The following NDFIP2 variants were observed in gnomAD, a reference collection of about 807,000 sequenced individuals.
NDFIP2 encodes the protein Nedd4 family interacting protein 2, also known as NEDD4 family-interacting protein 2.
In NDFIP2, 19 loss-of-function variants were observed where a neutral mutation model predicts 36.0. The observed-to-expected ratio is 0.53, with a 90% CI of 0.37 to 0.77. NDFIP2 has a LOEUF of 0.77. Ranked by LOEUF, NDFIP2 falls within the 30% of genes least tolerant of loss-of-function variation. The pLI is 0.00. For missense variants in NDFIP2, 446 were observed against 435.8 expected, an observed-to-expected ratio of 1.02 and a Z score of -0.21; for synonymous variants, 181 against 167.7, an observed-to-expected ratio of 1.08 and a Z score of -0.61.
At chr13:79,512,205 A>T (rs1473753504) in intron 1 of NDFIP2, among the ~76,000 whole-genome samples, 1 of 152,190 alleles carries the variant, frequency 6.6e-6, no homozygotes, top group Admixed American at 6.5e-5. Flanking sequence ...ACCAGTTACC[A>T]TTATCATTAT....
rs1277222366 is a variant in NDFIP2, at chr13:79,481,305, G to T, written c.102G>T (p.Ala34=). The change falls in exon 1 of 8, where the codon GCG becomes GCT. Residue 34 remains alanine (A), a synonymous_variant. Coordinates refer to ENST00000218652, the MANE Select transcript of NDFIP2 (RefSeq NM_019080.3). ...TTCTCCGCGGAACCGCGACCAACGC[G>T]GAGGTCTCGGCGGCCGCTGCGGGAG... ...PELLRGTATN[A]EVSAAAAGAT... 10 of 1,541,704 alleles carry T rather than the reference G, an allele frequency of 6.5e-6. No individual in the cohort carries two copies. The highest frequency in any genetic ancestry group is 8.7e-6 in the Non-Finnish European group (10 of 1,146,596).
At chr13:79,532,507 A>T (rs1875055742) in intron 2 of NDFIP2, among the ~76,000 whole-genome samples, 1 of 152,140 alleles carries the variant, frequency 6.6e-6, no homozygotes, top group African/African-American at 2.4e-5. Flanking sequence ...GTAATAAGTG[A>T]TGGGTTTTAT....
chr13:79,520,988 T>C lies in NDFIP2; in HGVS notation c.487+13T>C. On this transcript the variant is annotated intron_variant, in intron 2 of 7. Transcript: ENST00000218652. ...CCTACAACTTCAGGTATGAAACATCTAGTAATGTTTTTATTAGTTCTTTTT... is the reference window on the plus strand; with the variant it reads ...CCTACAACTTCAGGTATGAAACATCCAGTAATGTTTTTATTAGTTCTTTTT... 2 of 1,558,026 alleles carry C rather than the reference T, an allele frequency of 1.3e-6. No homozygotes were observed. The highest frequency in any genetic ancestry group is 1.7e-6 in the Non-Finnish European group (2 of 1,151,166).
At chr13:79,488,231 C>G (rs1231393322) in intron 1 of NDFIP2, among the ~76,000 whole-genome samples, 1 of 151,850 alleles carries the variant, frequency 6.6e-6, no homozygotes, top group Non-Finnish European at 1.5e-5. Flanking sequence ...TGTTATATAC[C>G]AAGTTGTTGC....
chr13:79,485,658 A>C (rs1230175662), intron 1 of NDFIP2, among the ~76,000 whole-genome samples: 2 of 152,082 alleles, frequency 1.3e-5, no homozygotes, highest in African/African-American at 4.8e-5. Context: ...AGGTTACCCA[A>C]CTGCATAGTC....
intron 6 of NDFIP2, 116 bp from the exon 7 acceptor site, chr13:79,550,901 C>A (rs1441297875): frequency 1.6e-5 from 9 of 564,138 alleles, no homozygotes; most frequent in African/African-American, 1.5e-4. Context: ...GAATGGAAGT[C>A]TGCAAGTAAA....
In NDFIP2 at chr13:79,481,355, C is replaced by T. The variant is rs777022524; in HGVS notation, c.152C>T (p.Pro51Leu). ...GCCACAGGAAGTGAAGAGCTTCCGC[C>T]GGGAGACCGCGGCTGCAGGAACGGA... ...AGATGSEELP[P>L]GDRGCRNGGG... is the part of the protein sequence containing the mutation. The change falls in exon 1 of 8, where the codon CCG (proline) becomes CTG (leucine). Residue 51 changes from proline to leucine, a missense_variant. Pro to Leu is a moderately conservative substitution (Grantham distance 98, BLOSUM62 -3). This residue lies in a region of NDFIP2 where 369 missense variants were observed against 304.8 expected (regional missense o/e 1.21). Coordinates refer to ENST00000218652, the MANE Select transcript of NDFIP2 (RefSeq NM_019080.3). 6.4e-7 allele frequency: 1 copy of T among 1,550,762 alleles called. No homozygotes were observed. The highest frequency in any genetic ancestry group is 8.7e-7 in the Non-Finnish European group (1 of 1,147,912).
intron 5 of NDFIP2, among the ~76,000 whole-genome samples, chr13:79,544,142 A>G (rs1875565042): frequency 6.6e-6 from 1 of 152,192 alleles, no homozygotes; most frequent in Non-Finnish European, 1.5e-5. Flanking sequence ...TAAAACATAA[A>G]AATTTCTCGT....
chr13:79,520,697 TTTC>T, intron 1 of NDFIP2, 110 bp from the exon 2 acceptor site: 1 of 998,742 alleles, frequency 1.0e-6, no homozygotes. Flanking sequence ...AAAATGCCAT[TTTC>T]TTTGTGTTTG....
intron 6 of NDFIP2, among the ~76,000 whole-genome samples, chr13:79,549,190 T>C (rs1875805227): frequency 6.6e-6 from 1 of 151,918 alleles, no homozygotes; most frequent in Non-Finnish European, 1.5e-5. Flanking sequence ...GGGAAACAAA[T>C]TATTGTTAGT....
At chr13:79,497,795 G>GGGT (rs1555356393) in intron 1 of NDFIP2, among the ~76,000 whole-genome samples, 2 of 128,912 alleles carry the variant, frequency 1.6e-5, no homozygotes, top group South Asian at 2.5e-4. Flanking sequence ...ATCTGTGGGG[G>GGGT]GTGTGTGTGT....
At chr13:79,543,498 G>T in intron 4 of NDFIP2, 60 bp from the exon 5 acceptor site, 2 of 1,585,924 alleles carry the variant, frequency 1.3e-6, no homozygotes, top group Non-Finnish European at 1.7e-6. Context: ...TTATTAATAT[G>T]TCTATGTTAA....
At chr13:79,509,747 C>T (rs1874011238) in intron 1 of NDFIP2, among the ~76,000 whole-genome samples, 1 of 151,702 alleles carries the variant, frequency 6.6e-6, no homozygotes, top group Admixed American at 6.6e-5. Flanking sequence ...CCACAGTAGG[C>T]CTTGCATCTG....
At chr13:79,531,001 A>G (rs866396000) in intron 2 of NDFIP2, among the ~76,000 whole-genome samples, 2 of 152,318 alleles carry the variant, frequency 1.3e-5, no homozygotes, top group Middle Eastern at 6.8e-3. Flanking sequence ...AGAAATCACT[A>G]TCTGTGGCAG....
chr13:79,509,155 G>A (rs533676396), intron 1 of NDFIP2, among the ~76,000 whole-genome samples: 1 of 152,206 alleles, frequency 6.6e-6, no homozygotes, highest in African/African-American at 2.4e-5. Context: ...GCCTCAGGAG[G>A]TCCTGACAAC....
chr13:79,541,814 T>C (rs1875467294), intron 4 of NDFIP2, among the ~76,000 whole-genome samples: 1 of 152,198 alleles, frequency 6.6e-6, no homozygotes, highest in South Asian at 2.1e-4. Flanking sequence ...AATAAGACTA[T>C]TTCAATTAAA....
intron 5 of NDFIP2, among the ~76,000 whole-genome samples, chr13:79,544,886 G>T (rs928596864): frequency 6.6e-6 from 1 of 151,986 alleles, no homozygotes; most frequent in African/African-American, 2.4e-5. Flanking sequence ...TCTTGGTTGG[G>T]ACCTATGGAC....
At chr13:79,535,232 C>T (rs1875188660) in intron 3 of NDFIP2, among the ~76,000 whole-genome samples, 1 of 152,166 alleles carries the variant, frequency 6.6e-6, no homozygotes, top group Non-Finnish European at 1.5e-5. Flanking sequence ...CTCCTTTTCT[C>T]AGGGGGTGTT....
intron 1 of NDFIP2, among the ~76,000 whole-genome samples, chr13:79,517,308 G>T (rs1312931428): frequency 6.6e-6 from 1 of 152,028 alleles, no homozygotes; most frequent in Non-Finnish European, 1.5e-5. Context: ...ATACAAGTAG[G>T]TCCCCTCCTC....
Sources: allele counts gnomAD v4.1 joint callset (sites outside exome capture counted in the v4.1 genomes callset), GRCh38; gene constraint gnomAD v4.1.1; regional missense constraint gnomAD v4.1.1; transcripts MANE v1.5; gene names NCBI Gene and HGNC (gene_info 2026-07-23, HGNC 2026-07-21).